The following TMEM132D variants were observed in gnomAD, a reference collection of about 807,000 sequenced individuals.
The protein encoded by TMEM132D is transmembrane protein 132D.
Under a neutral mutation model 62.3 loss-of-function variants are expected in TMEM132D, and 21 were observed. The ratio of observed to expected loss-of-function variants is 0.34; its 90% CI spans 0.24 to 0.49. The LOEUF is 0.49. TMEM132D is among the 20% of genes least tolerant of loss of function. The pLI, the probability that TMEM132D is intolerant of heterozygous loss-of-function variation, is 0.99. For synonymous variants in TMEM132D, 621 were observed against 575.6 expected (o/e 1.08, Z -1.13); for missense variants, 1,346 against 1,402.8 (o/e 0.96, Z 0.65).
At chr12:129,656,352 C>T (rs1439000150) in intron 2 of TMEM132D, among the ~76,000 whole-genome samples, 2 of 151,988 alleles carry the variant, frequency 1.3e-5, no homozygotes, top group South Asian at 4.2e-4. Flanking sequence ...CTTGAGGTCC[C>T]CCTGGCCCTG....
intron 3 of TMEM132D, among the ~76,000 whole-genome samples, chr12:129,492,758 G>T (rs1874837632): frequency 6.6e-6 from 1 of 152,050 alleles, no homozygotes; most frequent in Non-Finnish European, 1.5e-5. Flanking sequence ...ACTCTCTAGA[G>T]TCACGCGAGA....
At chr12:129,282,481 A>C (rs1881183781) in intron 4 of TMEM132D, among the ~76,000 whole-genome samples, 1 of 152,222 alleles carries the variant, frequency 6.6e-6, no homozygotes. Context: ...TCTGAGGTCC[A>C]GATGAACACC....
intron 3 of TMEM132D, among the ~76,000 whole-genome samples, chr12:129,414,007 G>A (rs1463438514): frequency 6.6e-6 from 1 of 152,192 alleles, no homozygotes; most frequent in Non-Finnish European, 1.5e-5. Context: ...GAGTGCAAGG[G>A]CACTGTGGTG....
intron 3 of TMEM132D, among the ~76,000 whole-genome samples, chr12:129,415,282 CCCAGCA>C (rs1872083460): frequency 6.6e-6 from 1 of 152,160 alleles, no homozygotes; most frequent in Non-Finnish European, 1.5e-5. Context: ...AATTTATATT[CCCAGCA>C]CCAGTGTACA....
intron 4 of TMEM132D, among the ~76,000 whole-genome samples, chr12:129,285,538 A>AG (rs1881270325): frequency 7.4e-6 from 1 of 135,282 alleles, no homozygotes; most frequent in Non-Finnish European, 1.6e-5. Flanking sequence ...AAAAAAAAAA[A>AG]AAGAGAGAGA....
chr12:129,548,512 T>G (rs1009588365), intron 2 of TMEM132D, among the ~76,000 whole-genome samples: 2 of 152,224 alleles, frequency 1.3e-5, no homozygotes, highest in African/African-American at 4.8e-5. Flanking sequence ...GGCTTTCAAG[T>G]CAACTTTCCT....
At chr12:129,388,371 TG>T in intron 3 of TMEM132D, among the ~76,000 whole-genome samples, 1 of 68,876 alleles carries the variant, frequency 1.5e-5, no homozygotes, top group Admixed American at 1.3e-4. Flanking sequence ...AATCCAGCAC[TG>T]ATGATAATAT....
chr12:129,554,432 G>A (rs1022593237), intron 2 of TMEM132D, among the ~76,000 whole-genome samples: 1 of 152,152 alleles, frequency 6.6e-6, no homozygotes, highest in Non-Finnish European at 1.5e-5. Flanking sequence ...AGAGAGAGAA[G>A]CGTGCAGCAG....
intron 2 of TMEM132D, among the ~76,000 whole-genome samples, chr12:129,611,812 G>A (rs867554989): frequency 1.3e-5 from 2 of 152,088 alleles, no homozygotes; most frequent in Non-Finnish European, 2.9e-5. Context: ...GTCTGGAGAT[G>A]TAGGGGAGCA....
At position 129,073,928 on chromosome 12, in the gene TMEM132D, C is replaced by T. The variant is rs1593250509; in HGVS notation, c.3247G>A (p.Gly1083Arg). 1.9e-6 allele frequency: 3 copies of T among 1,591,318 alleles called. No homozygotes were observed. Among genetic ancestry groups the T allele is most frequent in the Non-Finnish European group, 2.6e-6 (3 of 1,169,296 alleles). ...TAGTTGTGCAGCTCTTTGCAGTCCCCAGGGTCCAGATCCTGGCAGACCCAC... is the reference window on the plus strand; with the variant it reads ...TAGTTGTGCAGCTCTTTGCAGTCCCTAGGGTCCAGATCCTGGCAGACCCAC... ...IKWVCQDLDPGDCKELHNYME... is the reference protein window; with the variant it reads ...IKWVCQDLDPRDCKELHNYME... The change falls in exon 9 of 9, where the codon GGG becomes AGG. Residue 1083 changes from glycine to arginine, a missense_variant. Transcript: ENST00000422113.
rs200604515 is a variant in TMEM132D at position 129,481,476 on chromosome 12, AAAAC to A, written c.1115+49579_1115+49582del. Among the ~76,000 whole-genome samples, 481 of 146,324 alleles carry A rather than the reference AAAAC, an allele frequency of 3.3e-3. 5 individuals carry two copies. The highest frequency in any genetic ancestry group is 0.011 in the African/African-American group (437 of 40,472). ...AGACCCTGTCTCCAAAAAAAAAAAA[AAAAC>A]CCACAAAACTGTAAGACAAACTAAC... On this transcript the variant is annotated intron_variant, in intron 3 of 8. Coordinates refer to ENST00000422113, the MANE Select transcript of TMEM132D (RefSeq NM_133448.3).
chr12:129,404,950 T>C lies in TMEM132D; in HGVS notation c.1116-67133A>G, dbSNP rs111694343. Among the ~76,000 whole-genome samples the C allele has an allele frequency of 9.1e-3, 1,391 of 152,316 alleles. 12 individuals are homozygous for C. The highest frequency in any genetic ancestry group is 0.015 in the Non-Finnish European group (1,031 of 68,018). ...TTTATTTTTTTAATATGAACATGGATGTCAGATAAGCATAGGGCTATAAGA... is the reference window on the plus strand; with the variant it reads ...TTTATTTTTTTAATATGAACATGGACGTCAGATAAGCATAGGGCTATAAGA... On this transcript the variant is annotated intron_variant, in intron 3 of 8. Transcript: ENST00000422113.
rs200973397 is a variant in TMEM132D at position 129,545,189 on chromosome 12, A to G, written c.969-13984T>C. Among the ~76,000 whole-genome samples, 380 of 152,080 alleles carry G rather than the reference A, an allele frequency of 2.5e-3. 8 individuals are homozygous for G. In the East Asian group the frequency reaches 0.065, roughly 26 times the overall value. On this transcript the variant is annotated intron_variant, in intron 2 of 8. Transcript: ENST00000422113. ...CCTCATTCCTGACTTGACTTGGGAG[A>G]GTGTGAGATTTGATCTACTGCACCA...
chr12:129,783,399 T>C (rs1192928783), intron 1 of TMEM132D, among the ~76,000 whole-genome samples: 1 of 152,220 alleles, frequency 6.6e-6, no homozygotes, highest in East Asian at 1.9e-4. Flanking sequence ...ATTCTGCAAA[T>C]AATTTTACTA....
intron 3 of TMEM132D, among the ~76,000 whole-genome samples, chr12:129,440,507 G>T (rs1872908524): frequency 1.3e-5 from 2 of 152,296 alleles, no homozygotes; most frequent in Middle Eastern, 6.8e-3. Context: ...AAACAACAGT[G>T]TGGGGTTTCT....
At chr12:129,527,516 A>G (rs1036628643) in intron 3 of TMEM132D, among the ~76,000 whole-genome samples, 23 of 152,316 alleles carry the variant, frequency 1.5e-4, no homozygotes, top group African/African-American at 5.5e-4. Context: ...CTTCTCTTCA[A>G]TCAAGTCTTG....
chr12:129,473,949 C>G (rs1163559641), intron 3 of TMEM132D, among the ~76,000 whole-genome samples: 1 of 152,130 alleles, frequency 6.6e-6, no homozygotes, highest in Middle Eastern at 3.2e-3. Flanking sequence ...CTTGTATAAC[C>G]AACAAACCAG....
intron 2 of TMEM132D, among the ~76,000 whole-genome samples, chr12:129,650,799 C>T (rs1350580495): frequency 6.6e-6 from 1 of 152,112 alleles, no homozygotes; most frequent in Non-Finnish European, 1.5e-5. Flanking sequence ...TGTGTTTTTG[C>T]TCATTTTATT....
chr12:129,531,090 A>C lies in TMEM132D; in HGVS notation c.1084T>G (p.Cys362Gly), dbSNP rs202052553. The C allele has an allele frequency of 2.7e-5, 43 of 1,613,606 alleles. No homozygotes were observed. Among genetic ancestry groups the C allele is most frequent in the Non-Finnish European group, 2.8e-5 (33 of 1,179,644 alleles). ...TGKYAPAVIV[C>G]QKKAAGSENS... ...TCTGAGCCAGCTGCTTTCTTCTGAC[A>C]AACGATGACAGCTGGTGCATACTTT... Residue 362 changes from cysteine to glycine, a missense_variant, in exon 3 of 9, where the codon TGT becomes GGT. Transcript: ENST00000422113.
Sources: gnomAD v4.1 joint callset for allele counts (sites outside exome capture counted in the v4.1 genomes callset) on GRCh38, gnomAD v4.1.1 for gene constraint, MANE v1.5 for transcripts, NCBI Gene and HGNC (gene_info 2026-07-23, HGNC 2026-07-21) for gene names.